The following BACH1 variants were observed in gnomAD, a reference collection of about 807,000 sequenced individuals.
BACH1 encodes the protein transcription regulator protein BACH1.
A neutral mutation model predicts 52.9 loss-of-function variants in BACH1; 35 were observed. The observed-to-expected ratio is 0.66, with a 90% CI of 0.51 to 0.88. The LOEUF (loss-of-function observed/expected upper bound fraction) is 0.88, where lower values mean the gene tolerates loss of function less well. Ranked by LOEUF, BACH1 falls within the 40% of genes least tolerant of loss-of-function variation. BACH1 has a pLI of 0.00. For synonymous variants in BACH1, 321 were observed against 319.6 expected, an observed-to-expected ratio of 1.00 and a Z score of -0.05; for missense variants, 808 against 872.6, an observed-to-expected ratio of 0.93 and a Z score of 0.93.
intron 2 of BACH1, among the ~76,000 whole-genome samples, chr21:29,358,811 A>AC (rs1569028892): frequency 4.3e-4 from 39 of 90,440 alleles, no homozygotes; most frequent in Middle Eastern, 6.3e-3. Flanking sequence ...AGAAAGAAAG[A>AC]AAGAAGAAAG....
chr21:29,346,372 A>G (rs923018086), downstream of BACH1, among the ~76,000 whole-genome samples: 8 of 152,192 alleles, frequency 5.3e-5, no homozygotes, highest in Non-Finnish European at 8.8e-5. Flanking sequence ...ATAGAGAAGT[A>G]TAGGGACTCT....
chr21:29,313,741 T>G (rs1301487822), intron 1 of BACH1, among the ~76,000 whole-genome samples: 29 of 152,156 alleles, frequency 1.9e-4, no homozygotes, highest in Admixed American at 1.7e-3. Context: ...TCTATTTGTA[T>G]AAAAAGAAAA....
chr21:29,338,555 G>A (rs371432), intron 4 of BACH1, among the ~76,000 whole-genome samples: 107,984 of 151,814 alleles, frequency 0.71, 39,564 homozygotes, highest in African/African-American at 0.88. Flanking sequence ...TTTTGTGAAG[G>A]TGAGGTTTCG....
chr21:29,360,776 T>C (rs2089266314), intron 2 of BACH1, among the ~76,000 whole-genome samples: 1 of 145,786 alleles, frequency 6.9e-6, no homozygotes, highest in Non-Finnish European at 1.5e-5. Context: ...ACCCACGAGG[T>C]GGAGGTTGCA....
chr21:29,352,322 G>T (rs889769462), intron 2 of BACH1, among the ~76,000 whole-genome samples: 10 of 152,132 alleles, frequency 6.6e-5, no homozygotes, highest in African/African-American at 2.4e-4. Context: ...CCAAAGTGCT[G>T]GGATTGCAGG....
chr21:29,334,110 T>A (rs147692644), intron 4 of BACH1, among the ~76,000 whole-genome samples: 3,079 of 151,882 alleles, frequency 0.02, 108 homozygotes, highest in African/African-American at 0.071. Context: ...TTATTTTTTT[T>A]ATTTTTTTTT....
intron 2 of BACH1, chr21:29,351,664 G>A (rs376734195): frequency 3.7e-6 from 2 of 534,628 alleles, no homozygotes; most frequent in Non-Finnish European, 7.7e-6. Flanking sequence ...GTGCCAAGAA[G>A]TGTTCCATAC....
At chr21:29,348,127 G>A (rs544965325), downstream of BACH1, among the ~76,000 whole-genome samples, 1 of 152,272 alleles carries the variant, frequency 6.6e-6, no homozygotes, top group Non-Finnish European at 1.5e-5. Flanking sequence ...AGACTATCCT[G>A]CCAGATTTCT....
intron 4 of BACH1, among the ~76,000 whole-genome samples, chr21:29,340,956 G>T (rs2089104535): frequency 1.4e-5 from 2 of 143,906 alleles, no homozygotes; most frequent in Non-Finnish European, 1.5e-5. Context: ...GCACATTCTT[G>T]ACCTACATCT....
Position 29,326,550 on chromosome 21 carries a change from G to A in BACH1, c.726G>A (p.Gly242=). ...TTGGAACTGACAGAGTCCGTACTGG[G>A]GAATCTAGTGTCAAAGACATTCATG... is the stretch of plus-strand genomic sequence containing the variant. The part of the protein sequence containing the change: ...KAFGTDRVRT[G]ESSVKDIHAS... The change falls in exon 3 of 5, where the codon GGG becomes GGA. Residue 242 remains glycine, a synonymous_variant. Coordinates refer to ENST00000286800, the MANE Select transcript of BACH1 (RefSeq NM_001186.4). 2 of 1,614,160 alleles carry A rather than the reference G, an allele frequency of 1.2e-6. No homozygotes were observed. The highest frequency in any genetic ancestry group is 1.7e-6 in the Non-Finnish European group (2 of 1,180,036).
chr21:29,348,605 A>C (rs2089184556), downstream of BACH1, among the ~76,000 whole-genome samples: 1 of 152,322 alleles, frequency 6.6e-6, no homozygotes, highest in East Asian at 1.9e-4. Flanking sequence ...TCCTGGGGGA[A>C]AGACCACCAT....
intron 1 of BACH1, among the ~76,000 whole-genome samples, chr21:29,320,219 T>C (rs2088832519): frequency 6.6e-6 from 1 of 152,198 alleles, no homozygotes; most frequent in Non-Finnish European, 1.5e-5. Flanking sequence ...GCAGGGATGA[T>C]ACCGTGAGGC....
rs1220715994 is a variant in BACH1, at chr21:29,351,421, A to G, written c.472+21728A>G. 2.6e-5 allele frequency among the ~76,000 whole-genome samples: 4 copies of G among 152,346 alleles called. No individual in the cohort carries two copies. The South Asian group carries it at 8.3e-4, about 32-fold the overall frequency. Reference sequence around the variant, plus strand: ...ATTTCAGAGAATCTTCCTTTGTGAAATAAGCATGCTTATGTTTTCCTTGCT... The same window carrying G: ...ATTTCAGAGAATCTTCCTTTGTGAAGTAAGCATGCTTATGTTTTCCTTGCT... On this transcript the variant is annotated intron_variant, in intron 2 of 4. Transcript: ENST00000422809.
Position 29,345,880 on chromosome 21 carries a change from G to A in BACH1, c.*3047G>A, listed in dbSNP as rs15092. 107,636 of 152,508 alleles carry A rather than the reference G, an allele frequency of 0.71. 39,184 individuals carry two copies. Among genetic ancestry groups the A allele is most frequent in the African/African-American group, 0.87 (36,248 of 41,520 alleles). The allele number at this position is 152,508 out of a possible 1,614,324, so 9.4% of individuals were successfully genotyped here. A position where few individuals can be genotyped will look rare whatever the true frequency, so the allele number is the denominator to read the frequency against. Reference sequence around the variant, plus strand: ...AATGAAAATTAAAGCCATAATGGTAGAAGATGGCATACTGATTATAAAAGA... The same window carrying A: ...AATGAAAATTAAAGCCATAATGGTAAAAGATGGCATACTGATTATAAAAGA... On this transcript the variant is annotated 3_prime_UTR_variant, in exon 5 of 5. Coordinates refer to ENST00000286800, the MANE Select transcript of BACH1 (RefSeq NM_001186.4).
chr21:29,347,025 A>T (rs2123482953), downstream of BACH1, among the ~76,000 whole-genome samples: 1 of 152,192 alleles, frequency 6.6e-6, no homozygotes, highest in East Asian at 1.9e-4. Context: ...GACTTAAGTT[A>T]TCGAAGGTCT....
chr21:29,305,145 A>AG (rs920279510), intron 1 of BACH1: 2 of 151,728 alleles, frequency 1.3e-5, no homozygotes, highest in East Asian at 3.9e-4. Context: ...AAAAGAGGTA[A>AG]GAAAAAAAAA....
rs529135691 is a variant in BACH1 at position 29,317,851 on chromosome 21, G to A, written c.-60-3370G>A. ...CATATAAACTTCAGAACATCTCAGCGAGGTGGTGTTTTCTCTACTTTATAG... is the reference window on the plus strand; with the variant it reads ...CATATAAACTTCAGAACATCTCAGCAAGGTGGTGTTTTCTCTACTTTATAG... On this transcript the variant is annotated intron_variant, in intron 1 of 4. Coordinates refer to ENST00000286800, the MANE Select transcript of BACH1 (RefSeq NM_001186.4). Among the ~76,000 whole-genome samples, 12 of 152,214 alleles carry A rather than the reference G, an allele frequency of 7.9e-5. 1 individual carries two copies. Among genetic ancestry groups the A allele is most frequent in the Admixed American group, 3.9e-4 (6 of 15,284 alleles).
chr21:29,325,717 A>G (rs1406699907), intron 2 of BACH1, among the ~76,000 whole-genome samples: 1 of 152,108 alleles, frequency 6.6e-6, no homozygotes, highest in Non-Finnish European at 1.5e-5. Context: ...TGTGGCAGGT[A>G]GTGTTCATCC....
chr21:29,308,525 G>T (rs781161798), intron 1 of BACH1, among the ~76,000 whole-genome samples: 5 of 151,848 alleles, frequency 3.3e-5, no homozygotes, highest in Non-Finnish European at 7.4e-5. Flanking sequence ...CCCCCTTTTT[G>T]ACTCAAATTT....
Sources: gnomAD v4.1 joint callset for allele counts (sites outside exome capture counted in the v4.1 genomes callset) on GRCh38, gnomAD v4.1.1 for gene constraint, MANE v1.5 for transcripts, NCBI Gene and HGNC (gene_info 2026-07-23, HGNC 2026-07-21) for gene names.